Variants in RASA3 observed in about 807,000 individuals in gnomAD.
The protein encoded by RASA3 is ras GTPase-activating protein 3.
In RASA3, 73 loss-of-function variants were observed where a neutral mutation model predicts 110.0. The ratio of observed to expected loss-of-function variants is 0.66; its 90% CI spans 0.55 to 0.81. The LOEUF (loss-of-function observed/expected upper bound fraction) is 0.81, where lower values mean the gene tolerates loss of function less well. Among genes scored for constraint, RASA3 ranks in the 30% least tolerant of loss-of-function variants. RASA3 has a pLI of 0.00. For missense variants in RASA3, 976 were observed against 1,113.2 expected (o/e 0.88, Z 1.75); for synonymous variants, 500 against 451.4 (o/e 1.11, Z -1.37).
intron 18 of RASA3, among the ~76,000 whole-genome samples, chr13:114,005,886 TCC>T (rs777965457): frequency 3.6e-4 from 13 of 35,974 alleles, no homozygotes; most frequent in South Asian, 1.2e-3. Context: ...CTTACCCTTC[TCC>T]CCCCTCCTGC....
chr13:114,013,306 C>T, intron 14 of RASA3, 58 bp from the exon 15 acceptor site: 2 of 1,334,188 alleles, frequency 1.5e-6, no homozygotes, highest in Non-Finnish European at 2.1e-6. Flanking sequence ...CTCGTGGGGA[C>T]ACCATGCCCC....
At chr13:113,982,184 C>T (rs2139043010) in intron 22 of RASA3, among the ~76,000 whole-genome samples, 1 of 152,322 alleles carries the variant, frequency 6.6e-6, no homozygotes, top group Middle Eastern at 3.4e-3. Flanking sequence ...CACATCTCTG[C>T]ACGCCCCACC....
intron 4 of RASA3, among the ~76,000 whole-genome samples, chr13:114,040,004 G>A (rs771633536): frequency 7.2e-5 from 11 of 152,276 alleles, no homozygotes; most frequent in Non-Finnish European, 1.6e-4. Context: ...CAACCGTGGG[G>A]AAGTGAGGGT....
In RASA3 at chr13:114,130,570, C is replaced by A. The variant is rs1461675152; in HGVS notation, c.55+1865G>T. Among the ~76,000 whole-genome samples the A allele has an allele frequency of 2.0e-5, 3 of 152,102 alleles. No homozygotes were observed. The East Asian group carries it at 5.8e-4, about 30-fold the overall frequency. ...TGTCGGAAGTGGGGCCGAGTGCCCG[C>A]AGGCCGGTGAAGCTGCCTTCTGGGA... On this transcript the variant is annotated intron_variant, in intron 1 of 23. Transcript: ENST00000334062.
At chr13:114,129,056 C>A (rs1248486407) in intron 1 of RASA3, among the ~76,000 whole-genome samples, 2 of 152,192 alleles carry the variant, frequency 1.3e-5, no homozygotes, top group Admixed American at 1.3e-4. Flanking sequence ...GACATCACTG[C>A]GAGGGGAGGA....
At chr13:114,035,436 G>C (rs1427274173) in intron 4 of RASA3, among the ~76,000 whole-genome samples, 1 of 152,208 alleles carries the variant, frequency 6.6e-6, no homozygotes, top group Non-Finnish European at 1.5e-5. Context: ...GGCCCTGGGC[G>C]GGGGCTGCTG....
chr13:114,002,048 C>T (rs536058674), intron 18 of RASA3, among the ~76,000 whole-genome samples: 4 of 152,362 alleles, frequency 2.6e-5, no homozygotes, highest in Admixed American at 6.5e-5. Flanking sequence ...CTCTGAGGCT[C>T]GGCCTTCATT....
chr13:114,013,032 C>T (rs1042256391), intron 15 of RASA3, 110 bp downstream of exon 15: 71 of 809,578 alleles, frequency 8.8e-5, no homozygotes, highest in Admixed American at 2.4e-4. Context: ...ACACTCCCCA[C>T]GCATTCCACA....
rs192859104 is a variant in RASA3 at position 114,112,869 on chromosome 13, C to A, written c.55+19566G>T. Among the ~76,000 whole-genome samples, 1 of 152,248 alleles carries A rather than the reference C, an allele frequency of 6.6e-6. No individual in the cohort carries two copies. Among genetic ancestry groups the A allele is most frequent in the Non-Finnish European group, 1.5e-5 (1 of 68,018 alleles). The stretch of plus-strand genomic sequence containing the variant: ...ATCCTCAGCAAAAAAGCAACACTCG[C>A]CGTTCAGAGAGTGAATGAGAGGCCA... On this transcript the variant is annotated intron_variant, in intron 1 of 23. Coordinates refer to ENST00000334062, the MANE Select transcript of RASA3 (RefSeq NM_007368.4). The surrounding 1 kb of genome is among the most constrained non-coding windows in gnomAD (Gnocchi z 4.8).
intron 2 of RASA3, among the ~76,000 whole-genome samples, chr13:114,059,997 G>C (rs1048283762): frequency 2.6e-5 from 4 of 152,250 alleles, no homozygotes; most frequent in Admixed American, 6.5e-5. Flanking sequence ...GAGGCTTACG[G>C]ACGAGTGAGC....
At chr13:114,018,638 T>A in intron 10 of RASA3, 125 bp downstream of exon 10, 5 of 1,231,898 alleles carry the variant, frequency 4.1e-6, no homozygotes, top group Non-Finnish European at 5.6e-6. Flanking sequence ...CAGGCCAGGC[T>A]GGGAGGCGTG....
At chr13:114,092,024 T>G (rs1427145553) in intron 1 of RASA3, among the ~76,000 whole-genome samples, 1 of 152,156 alleles carries the variant, frequency 6.6e-6, no homozygotes, top group Non-Finnish European at 1.5e-5. Flanking sequence ...TTATAATGTT[T>G]CTTTTTCCAT....
At position 114,011,330 on chromosome 13, in the gene RASA3, G is replaced by A; in HGVS notation, c.1513-82C>T. 2 of 1,219,026 alleles carry A rather than the reference G, an allele frequency of 1.6e-6. No individual in the cohort carries two copies. Among genetic ancestry groups the A allele is most frequent in the Non-Finnish European group, 2.4e-6 (2 of 837,154 alleles). 75.5% of individuals were successfully genotyped at this position (1,219,026 alleles called of 1,614,324 possible). On this transcript the variant is annotated intron_variant, in intron 15 of 23. Coordinates refer to ENST00000334062, the MANE Select transcript of RASA3 (RefSeq NM_007368.4). The surrounding 1 kb of genome is among the most constrained non-coding windows in gnomAD (Gnocchi z 4.8). Reference sequence around the variant, plus strand: ...TCCCAGATCGAGGGGACGAAATGCAGGAGTCACCTCAGAGCTGCTGTGGCT... The same window carrying A: ...TCCCAGATCGAGGGGACGAAATGCAAGAGTCACCTCAGAGCTGCTGTGGCT...
At chr13:114,104,764 T>TC (rs2080110482) in intron 1 of RASA3, among the ~76,000 whole-genome samples, 1 of 152,064 alleles carries the variant, frequency 6.6e-6, no homozygotes, top group South Asian at 2.1e-4. Flanking sequence ...AGCAGCAGAC[T>TC]CCAAGTGCAG....
At chr13:114,031,098 T>C (rs531405803) in intron 4 of RASA3, among the ~76,000 whole-genome samples, 3 of 109,436 alleles carry the variant, frequency 2.7e-5, no homozygotes, top group Non-Finnish European at 1.8e-5. Flanking sequence ...TGTGTGCATG[T>C]GATTGTGTGT....
chr13:114,129,446 G>A (rs958733294), intron 1 of RASA3, among the ~76,000 whole-genome samples: 1 of 152,200 alleles, frequency 6.6e-6, no homozygotes, highest in African/African-American at 2.4e-5. Context: ...CAAAGAAAGA[G>A]GAAGGGGGAA....
intron 2 of RASA3, among the ~76,000 whole-genome samples, chr13:114,063,305 A>G (rs2079392450): frequency 6.6e-6 from 1 of 151,000 alleles, no homozygotes; most frequent in Admixed American, 6.6e-5. Context: ...AAATATATAA[A>G]TGTTATAGGT....
chr13:114,104,271 C>T (rs1417431070), intron 1 of RASA3, among the ~76,000 whole-genome samples: 2 of 110,366 alleles, frequency 1.8e-5, no homozygotes, highest in Non-Finnish European at 3.7e-5. Flanking sequence ...CGGACACCCA[C>T]CCCTGATGCG....
chr13:113,992,463 T>G (rs1344890643), intron 22 of RASA3, 22 bp downstream of exon 22: 2 of 1,592,240 alleles, frequency 1.3e-6, no homozygotes, highest in East Asian at 4.5e-5. Flanking sequence ...GCTGCACAGA[T>G]CTGTGTGCCG....
Sources: allele counts gnomAD v4.1 joint callset (sites outside exome capture counted in the v4.1 genomes callset), GRCh38; gene constraint gnomAD v4.1.1; non-coding constraint Gnocchi (gnomAD v3.1); transcripts MANE v1.5; gene names NCBI Gene and HGNC (gene_info 2026-07-23, HGNC 2026-07-21).